INTS12: variants seen among roughly 807,000 people sequenced by gnomAD.
INTS12 encodes the protein integrator complex subunit 12, also known as PHD finger protein 22.
A neutral mutation model predicts 41.6 loss-of-function variants in INTS12; 13 were observed. The ratio of observed to expected loss-of-function variants is 0.31; its 90% CI spans 0.20 to 0.50. INTS12 has a LOEUF of 0.50. INTS12 is among the 20% of genes least tolerant of loss of function. The pLI, the probability that INTS12 is intolerant of heterozygous loss-of-function variation, is 0.98. For missense variants in INTS12, 432 were observed against 541.6 expected (o/e 0.80, Z 2.01); for synonymous variants, 199 against 191.4 (o/e 1.04, Z -0.33).
intron 2 of INTS12, among the ~76,000 whole-genome samples, chr4:105,700,706 A>AACAC (rs767514862): frequency 0.072 from 9,655 of 134,706 alleles, 404 homozygotes; most frequent in Admixed American, 0.12. Context: ...ATCTACTTAA[A>AACAC]ACACACACAC....
intron 6 of INTS12, among the ~76,000 whole-genome samples, chr4:105,688,127 G>A (rs531724258): frequency 6.6e-6 from 1 of 152,196 alleles, no homozygotes; most frequent in African/African-American, 2.4e-5. Context: ...TTAGCATAGT[G>A]TCTGGAAAAT....
At position 105,692,031 on chromosome 4, in the gene INTS12, T is replaced by A; in HGVS notation, c.602A>T (p.Asn201Ile). The A allele has an allele frequency of 6.2e-7, 1 of 1,610,314 alleles. No individual in the cohort carries two copies. Among genetic ancestry groups the A allele is most frequent in the Non-Finnish European group, 8.5e-7 (1 of 1,178,266 alleles). ...ACAATACCACACCAGGCGAGGGTCA[T>A]TCGCTTCCTTGTCTGTCACCTGGGG... The part of the protein sequence containing the change: ...HKPQVTDKEA[N>I]DPRLVWYCAR... The change falls in exon 6 of 8, where the codon AAT (asparagine) becomes ATT (isoleucine). Residue 201 changes from asparagine (N) to isoleucine (I), a missense_variant. Physicochemically the swap from Asn to Ile is moderately radical, Grantham distance 149. Coordinates refer to ENST00000340139, the MANE Select transcript of INTS12 (RefSeq NM_020395.4).
chr4:105,695,243 ATAGAT>A lies in INTS12; in HGVS notation c.309+268_309+272del, dbSNP rs773082181. On this transcript the variant is annotated intron_variant, in intron 4 of 7. Transcript: ENST00000340139. ...CTGTTCCATCTAGGATCTCTGAGGC[ATAGAT>A]TAAAGTTTACACTCAAAGTTACTAT... 2.6e-5 allele frequency among the ~76,000 whole-genome samples: 4 copies of A among 152,126 alleles called. No individual in the cohort carries two copies. The East Asian group carries it at 5.8e-4, about 22-fold the overall frequency.
rs562818354 is a variant in INTS12 at position 105,707,007 on chromosome 4, G to A, written c.-172+1631C>T. ...GAAGTTAGGGCTTTCTACCACCTTCGAAATAAAGACCAAATTTCTTGGCCT... is the reference window on the plus strand; with the variant it reads ...GAAGTTAGGGCTTTCTACCACCTTCAAAATAAAGACCAAATTTCTTGGCCT... On this transcript the variant is annotated intron_variant, in intron 1 of 7. Coordinates refer to ENST00000340139, the MANE Select transcript of INTS12 (RefSeq NM_020395.4). Among the ~76,000 whole-genome samples, 8 of 151,874 alleles carry A rather than the reference G, an allele frequency of 5.3e-5. No individual in the cohort carries two copies. The South Asian group carries it at 6.2e-4, about 12-fold the overall frequency.
Position 105,683,086 on chromosome 4 carries a change from A to G in INTS12, c.1036T>C (p.Ser346Pro). 6.2e-7 allele frequency: 1 copy of G among 1,614,072 alleles called. No homozygotes were observed. Among genetic ancestry groups the G allele is most frequent in the Non-Finnish European group, 8.5e-7 (1 of 1,179,946 alleles). The change falls in exon 8 of 8, where the codon TCC becomes CCC. Residue 346 changes from serine to proline, a missense_variant. By Grantham distance (74) the Ser-to-Pro change is moderately conservative (BLOSUM62 -1). Coordinates refer to ENST00000340139, the MANE Select transcript of INTS12 (RefSeq NM_020395.4). ...GTGCTGTTATTGGAACCTATTTTGG[A>G]ACCTATTCCACCTTTGGATGATGTT... ...LATSSKGGIG[S>P]KIGSNNSTTP...
In INTS12 at chr4:105,703,466, G is replaced by A. The variant is rs546606147; in HGVS notation, c.-10+182C>T. ...TATCTCTTATTATCCTTGATTTATT[G>A]CAGTATGCCGTTTACTTCCTATCCA... On this transcript the variant is annotated intron_variant, in intron 2 of 7. Transcript: ENST00000340139. Among the ~76,000 whole-genome samples, 8 of 152,064 alleles carry A rather than the reference G, an allele frequency of 5.3e-5. No individual in the cohort carries two copies. The South Asian group carries it at 1.7e-3, about 32-fold the overall frequency.
rs138923976 is a variant in INTS12 at position 105,685,392 on chromosome 4, C to T, written c.804+1300G>A. Among the ~76,000 whole-genome samples, 619 of 152,226 alleles carry T rather than the reference C, an allele frequency of 4.1e-3. 1 individual carries two copies. Among genetic ancestry groups the T allele is most frequent in the Non-Finnish European group, 6.9e-3 (468 of 67,956 alleles). On this transcript the variant is annotated intron_variant, in intron 7 of 7. Transcript: ENST00000340139. The stretch of plus-strand genomic sequence containing the variant: ...AGAATATAGCAACTCTAATTACTTT[C>T]AATAAACTGGTTATTCTTACTTCTA...
At chr4:105,707,444 T>C (rs939216837) in intron 1 of INTS12, among the ~76,000 whole-genome samples, 12 of 152,098 alleles carry the variant, frequency 7.9e-5, no homozygotes, top group African/African-American at 2.4e-4. Flanking sequence ...ATAATGGCTA[T>C]AGAATTACTG....
chr4:105,695,714 C>A, intron 3 of INTS12, 46 bp from the exon 4 acceptor site: 1 of 1,436,132 alleles, frequency 7.0e-7, no homozygotes, highest in South Asian at 1.3e-5. Context: ...TTAGACTGAT[C>A]ATCATAAAAA....
Position 105,708,641 on chromosome 4 carries a change from T to C in INTS12, c.-175A>G. The stretch of plus-strand genomic sequence containing the variant: ...AGAGTCGCTCAGCATAACTCACCGT[T>C]CCGCCCCGCCCTGCCGATCCGTCTG... On this transcript the variant is annotated 5_prime_UTR_variant, in exon 1 of 8. Coordinates refer to ENST00000340139, the MANE Select transcript of INTS12 (RefSeq NM_020395.4). The C allele has an allele frequency of 1.0e-6, 1 of 977,148 alleles. No homozygotes were observed. The highest frequency in any genetic ancestry group is 1.2e-6 in the Non-Finnish European group (1 of 824,518). The allele number at this position is 977,148 out of a possible 1,614,324, so 60.5% of individuals were successfully genotyped here.
chr4:105,699,293 A>G (rs1369270022), intron 3 of INTS12, among the ~76,000 whole-genome samples: 1 of 152,220 alleles, frequency 6.6e-6, no homozygotes, highest in Non-Finnish European at 1.5e-5. Flanking sequence ...TCACACAATT[A>G]TAAGATTTAA....
chr4:105,695,037 A>ACCCCCCCCC (rs1276121745), intron 4 of INTS12, among the ~76,000 whole-genome samples: 1 of 63,332 alleles, frequency 1.6e-5, no homozygotes, highest in Non-Finnish European at 3.1e-5. Context: ...CAATCCTCCC[A>ACCCCCCCCC]CCCCCCACCC....
rs778085922 is a variant in INTS12, at chr4:105,682,816, T to C, written c.1306A>G (p.Thr436Ala). 3.1e-6 allele frequency: 5 copies of C among 1,613,988 alleles called. No homozygotes were observed. The highest frequency in any genetic ancestry group is 1.3e-5 in the African/African-American group (1 of 74,930). ...SSPSASLKGP[T>A]SQESQLNAMK... is the part of the protein sequence containing the mutation. ...GCATTGAGCTGTGATTCTTGTGAAG[T>C]TGGGCCTTTAAGGGATGCTGAGGGA... Residue 436 changes from threonine to alanine, a missense_variant, in exon 8 of 8, where the codon ACT becomes GCT. Thr to Ala is a moderately conservative substitution (Grantham distance 58). Coordinates refer to ENST00000340139, the MANE Select transcript of INTS12 (RefSeq NM_020395.4).
chr4:105,698,543 C>G (rs1312498589), intron 3 of INTS12, among the ~76,000 whole-genome samples: 2 of 145,634 alleles, frequency 1.4e-5, no homozygotes, highest in Admixed American at 1.3e-4. Context: ...TTTTAGAACC[C>G]CATTAAAACA....
intron 7 of INTS12, among the ~76,000 whole-genome samples, chr4:105,685,169 T>G (rs1300310651): frequency 6.6e-6 from 1 of 152,078 alleles, no homozygotes; most frequent in South Asian, 2.1e-4. Flanking sequence ...ATGGGAACAA[T>G]TTTTTTATAG....
intron 1 of INTS12, chr4:105,705,684 T>A (rs1732239250): frequency 6.6e-6 from 1 of 152,294 alleles, no homozygotes; most frequent in South Asian, 2.1e-4. Context: ...ATATACTCTT[T>A]CTTACCTTAG....
At chr4:105,688,130 T>G (rs1469955783) in intron 6 of INTS12, among the ~76,000 whole-genome samples, 1 of 152,248 alleles carries the variant, frequency 6.6e-6, no homozygotes, top group Non-Finnish European at 1.5e-5. Flanking sequence ...GCATAGTGTC[T>G]GGAAAATGTT....
intron 7 of INTS12, among the ~76,000 whole-genome samples, chr4:105,685,876 C>G (rs1413537525): frequency 6.6e-6 from 1 of 151,892 alleles, no homozygotes; most frequent in South Asian, 2.1e-4. Context: ...ACAATGTGGT[C>G]CCTTGGTATA....
At chr4:105,686,029 A>AC (rs1424757697) in intron 7 of INTS12, among the ~76,000 whole-genome samples, 1 of 152,172 alleles carries the variant, frequency 6.6e-6, no homozygotes, top group African/African-American at 2.4e-5. Context: ...AATTGTTGCT[A>AC]CTGAGGGCAG....
Sources: allele counts gnomAD v4.1 joint callset (sites outside exome capture counted in the v4.1 genomes callset), GRCh38; gene constraint gnomAD v4.1.1; transcripts MANE v1.5; gene names NCBI Gene and HGNC (gene_info 2026-07-23, HGNC 2026-07-21).